The following DLGAP1 variants were observed in gnomAD, a reference collection of about 807,000 sequenced individuals.
The protein encoded by DLGAP1 is DLG associated protein 1.
DLGAP1 carries 11 observed loss-of-function variants against 90.8 expected under a neutral mutation model. The observed-to-expected ratio is 0.12, with a 90% CI of 0.08 to 0.20. The LOEUF is 0.20. DLGAP1 is among the 10% of genes least tolerant of loss of function. The pLI, the probability that DLGAP1 is intolerant of heterozygous loss-of-function variation, is 1.00. For missense variants in DLGAP1, 1,050 were observed against 1,333.8 expected, an observed-to-expected ratio of 0.79 and a Z score of 3.31; for synonymous variants, 558 against 540.7, an observed-to-expected ratio of 1.03 and a Z score of -0.44.
intron 1 of DLGAP1, among the ~76,000 whole-genome samples, chr18:4,185,207 G>A (rs948796885): frequency 6.6e-6 from 1 of 151,492 alleles, no homozygotes; most frequent in African/African-American, 2.4e-5. Context: ...AATACAATAA[G>A]ACAAGAATAA....
chr18:4,196,938 C>T (rs151304149), intron 1 of DLGAP1, among the ~76,000 whole-genome samples: 111 of 151,862 alleles, frequency 7.3e-4, no homozygotes, highest in African/African-American at 2.2e-3. Context: ...TTTGGGAGGC[C>T]GAGGTGGGTG....
At chr18:3,815,006 A>C (rs1471459954) in intron 4 of DLGAP1, among the ~76,000 whole-genome samples, 2 of 152,344 alleles carry the variant, frequency 1.3e-5, no homozygotes, top group East Asian at 3.9e-4. Context: ...GTAGTAGGAA[A>C]AATTAAAACC....
intron 11 of DLGAP1, 134 bp downstream of exon 11, chr18:3,508,436 C>T (rs2143805777): frequency 2.4e-6 from 1 of 423,618 alleles, no homozygotes; most frequent in East Asian, 3.6e-5. Flanking sequence ...TCAGAAAATT[C>T]TCTGTTCCAA....
chr18:3,774,382 C>T (rs2064842630), intron 5 of DLGAP1: 1 of 152,218 alleles, frequency 6.6e-6, no homozygotes, highest in Non-Finnish European at 1.5e-5. Context: ...GTGTGAGTAT[C>T]ATATAGGACA....
chr18:3,889,766 AG>A (rs1170294851), intron 3 of DLGAP1, among the ~76,000 whole-genome samples: 2 of 152,210 alleles, frequency 1.3e-5, no homozygotes, highest in African/African-American at 4.8e-5. Flanking sequence ...GGATGTTCCT[AG>A]AATCACTGGA....
chr18:3,754,292 G>A (rs895877564), intron 5 of DLGAP1, among the ~76,000 whole-genome samples: 1 of 151,992 alleles, frequency 6.6e-6, no homozygotes, highest in Admixed American at 6.6e-5. Flanking sequence ...ATGAGCCACC[G>A]TACTCAGCCT....
chr18:3,501,265 C>G (rs918391000), intron 12 of DLGAP1, among the ~76,000 whole-genome samples: 1 of 151,458 alleles, frequency 6.6e-6, no homozygotes, highest in African/African-American at 2.4e-5. Flanking sequence ...TGCATCAGCT[C>G]TGGAAACTAA....
intron 3 of DLGAP1, among the ~76,000 whole-genome samples, chr18:3,973,727 G>A (rs1008306849): frequency 1.3e-5 from 2 of 152,192 alleles, no homozygotes. Flanking sequence ...ATCTAGGCTA[G>A]AAAGTTCCGG....
chr18:3,611,355 A>T (rs375038506), intron 7 of DLGAP1, among the ~76,000 whole-genome samples: 2 of 151,974 alleles, frequency 1.3e-5, no homozygotes, highest in East Asian at 1.9e-4. Flanking sequence ...TTTATAAACT[A>T]CAAGTTTTGG....
At chr18:3,502,453 AG>A (rs997114918) in intron 12 of DLGAP1, 39 bp downstream of exon 12, 1 of 1,613,182 alleles carries the variant, frequency 6.2e-7, no homozygotes, top group Non-Finnish European at 8.5e-7. Context: ...GTGTTTGTGC[AG>A]GTTTTTAAAT....
chr18:3,949,444 T>A (rs920566811), intron 3 of DLGAP1, among the ~76,000 whole-genome samples: 1 of 152,182 alleles, frequency 6.6e-6, no homozygotes, highest in Non-Finnish European at 1.5e-5. Flanking sequence ...TCCCTGTGAC[T>A]TCACACCACA....
intron 3 of DLGAP1, among the ~76,000 whole-genome samples, chr18:3,905,300 GA>G (rs934049933): frequency 7.4e-6 from 1 of 135,540 alleles, no homozygotes; most frequent in African/African-American, 2.7e-5. Flanking sequence ...CCGGGAGTTG[GA>G]GCTTGCAGTG....
At chr18:3,898,011 G>C (rs958568353) in intron 3 of DLGAP1, among the ~76,000 whole-genome samples, 3 of 151,794 alleles carry the variant, frequency 2.0e-5, no homozygotes, top group African/African-American at 7.3e-5. Flanking sequence ...AGCCAGGATG[G>C]TCTCGATCTC....
chr18:3,871,410 C>G (rs1347517384), intron 4 of DLGAP1, among the ~76,000 whole-genome samples: 1 of 152,130 alleles, frequency 6.6e-6, no homozygotes, highest in Non-Finnish European at 1.5e-5. Context: ...AAACCCAACT[C>G]TGCCTGGTCC....
intron 2 of DLGAP1, among the ~76,000 whole-genome samples, chr18:4,095,570 G>T (rs563668633): frequency 6.6e-6 from 1 of 152,226 alleles, no homozygotes; most frequent in South Asian, 2.1e-4. Flanking sequence ...ATCAAGTAAA[G>T]AAGACCTAAG....
In DLGAP1 at chr18:3,676,723, A is replaced by G. The variant is rs537598844; in HGVS notation, c.1591+52412T>C. Among the ~76,000 whole-genome samples the G allele has an allele frequency of 2.0e-5, 3 of 152,046 alleles. No homozygotes were observed. The East Asian group carries it at 5.8e-4, about 29-fold the overall frequency. The stretch of plus-strand genomic sequence containing the variant: ...TTTTTTTAGAAGAAATTGTGAGGTC[A>G]GTATACACAAACAAACAAACATTAA... On this transcript the variant is annotated intron_variant, in intron 7 of 12. Transcript: ENST00000315677.
intron 4 of DLGAP1, chr18:3,821,767 G>T: frequency 2.8e-6 from 1 of 360,040 alleles, no homozygotes; most frequent in Non-Finnish European, 3.9e-6. Context: ...TCCCAACAGC[G>T]TTTTAGCATT....
intron 3 of DLGAP1, among the ~76,000 whole-genome samples, chr18:3,891,759 A>G (rs1164163153): frequency 6.6e-6 from 1 of 152,138 alleles, no homozygotes; most frequent in African/African-American, 2.4e-5. Flanking sequence ...CTGAGATAAT[A>G]TATTTAGTAA....
intron 1 of DLGAP1, among the ~76,000 whole-genome samples, chr18:4,251,363 G>A (rs1422425605): frequency 6.6e-6 from 1 of 152,154 alleles, no homozygotes; most frequent in African/African-American, 2.4e-5. Flanking sequence ...GAAGCACCAG[G>A]GTCAGAGGAG....
Sources: allele counts gnomAD v4.1 joint callset (sites outside exome capture counted in the v4.1 genomes callset), GRCh38; gene constraint gnomAD v4.1.1; transcripts MANE v1.5; gene names NCBI Gene and HGNC (gene_info 2026-07-23, HGNC 2026-07-21).